SORCS2: variants seen among roughly 807,000 people sequenced by gnomAD.
SORCS2 encodes the protein sortilin related VPS10 domain containing receptor 2.
Under a neutral mutation model 141.6 loss-of-function variants are expected in SORCS2, and 100 were observed. The observed-to-expected ratio is 0.71, with a 90% CI of 0.60 to 0.83. The LOEUF (loss-of-function observed/expected upper bound fraction) is 0.83, where lower values mean the gene tolerates loss of function less well. Among genes scored for constraint, SORCS2 ranks in the 40% least tolerant of loss-of-function variants. The probability of loss-of-function intolerance (pLI) is 0.00; values close to 1 mark genes in which losing one functional copy is unlikely to be tolerated. For missense variants in SORCS2, 1,646 were observed against 1,560.2 expected (o/e 1.05, Z -0.93); for synonymous variants, 789 against 676.9 (o/e 1.17, Z -2.57).
intron 3 of SORCS2, among the ~76,000 whole-genome samples, chr4:7,565,980 A>G (rs372813694): frequency 8.7e-5 from 3 of 34,548 alleles, no homozygotes; most frequent in Non-Finnish European, 2.1e-4. Context: ...GATGATGGTG[A>G]TGATAATGGT....
chr4:7,427,587 G>A (rs1460174902), intron 2 of SORCS2, among the ~76,000 whole-genome samples: 2 of 152,122 alleles, frequency 1.3e-5, no homozygotes, highest in African/African-American at 4.8e-5. Flanking sequence ...TTGCTATAAA[G>A]AAATGCCCGA....
chr4:7,433,581 G>C, intron 2 of SORCS2: 1 of 1,611,680 alleles, frequency 6.2e-7, no homozygotes. Context: ...GGATCATATA[G>C]GGCAGCGGCA....
rs903135534 is a variant in SORCS2 at position 7,383,627 on chromosome 4, A to G, written c.481-12661A>G. On this transcript the variant is annotated intron_variant, in intron 1 of 26. Transcript: ENST00000507866. ...CTTTTTATGTCGAAAGACGCTCAGC[A>G]CTAACAACATCACAGCTTATCCGAT... Among the ~76,000 whole-genome samples the G allele has an allele frequency of 3.9e-5, 6 of 152,328 alleles. No individual in the cohort carries two copies. The East Asian group carries it at 1.2e-3, about 29-fold the overall frequency.
intron 3 of SORCS2, among the ~76,000 whole-genome samples, chr4:7,562,902 T>C (rs965195429): frequency 2.0e-5 from 3 of 152,166 alleles, no homozygotes; most frequent in African/African-American, 7.2e-5. Context: ...GGATTTAGGG[T>C]CTAGCCTATT....
At chr4:7,520,488 G>T (rs1049755994) in intron 2 of SORCS2, among the ~76,000 whole-genome samples, 2 of 152,264 alleles carry the variant, frequency 1.3e-5, no homozygotes, top group East Asian at 3.9e-4. Context: ...CTGGGATTGC[G>T]CCCAGCCCAG....
intron 3 of SORCS2, among the ~76,000 whole-genome samples, chr4:7,622,109 A>G (rs1481731637): frequency 3.3e-5 from 5 of 151,878 alleles, no homozygotes; most frequent in South Asian, 2.1e-4. Flanking sequence ...AGTAGCCACA[A>G]AAAAGCCAGG....
intron 2 of SORCS2, among the ~76,000 whole-genome samples, chr4:7,468,311 C>A (rs2009286): frequency 2.0e-5 from 3 of 152,110 alleles, no homozygotes; most frequent in Admixed American, 1.3e-4. Flanking sequence ...TGACTGAGTC[C>A]TGCAGCACCC....
At chr4:7,426,155 AGAG>A (rs1364292577) in intron 2 of SORCS2, among the ~76,000 whole-genome samples, 7 of 152,230 alleles carry the variant, frequency 4.6e-5, no homozygotes, top group African/African-American at 1.4e-4. Flanking sequence ...CTGTAGACCC[AGAG>A]GAGAAGGTGG....
rs553845288 is a variant in SORCS2 at position 7,433,626 on chromosome 4, G to A, written c.548+37271G>A. The A allele has an allele frequency of 1.1e-5, 17 of 1,611,104 alleles. No individual in the cohort carries two copies. The South Asian group carries it at 1.7e-4, about 16-fold the overall frequency. On this transcript the variant is annotated intron_variant, in intron 2 of 26. Transcript: ENST00000507866. ...AGCCACCCTTGAAGGCCACCAGGAT[G>A]TCTCGCTTGGTGCTCTTGCTCTCCA...
chr4:7,675,001 G>A (rs1160523760), intron 8 of SORCS2, among the ~76,000 whole-genome samples: 1 of 152,164 alleles, frequency 6.6e-6, no homozygotes, highest in Non-Finnish European at 1.5e-5. Flanking sequence ...GGGTGATGAA[G>A]CTCCAGAGTG....
chr4:7,445,815 G>T (rs60392026), intron 2 of SORCS2, among the ~76,000 whole-genome samples: 83,067 of 151,778 alleles, frequency 0.55, 23,360 homozygotes, highest in Middle Eastern at 0.61. Context: ...CTCCAGAGAG[G>T]CCCAGGGATG....
At chr4:7,486,978 A>G (rs1389604433) in intron 2 of SORCS2, among the ~76,000 whole-genome samples, 2 of 152,232 alleles carry the variant, frequency 1.3e-5, no homozygotes, top group East Asian at 3.8e-4. Flanking sequence ...GTGGGTCACT[A>G]TTCAACCCTC....
chr4:7,279,465 GTTACAA>G (rs1433016781), intron 1 of SORCS2, among the ~76,000 whole-genome samples: 1 of 152,190 alleles, frequency 6.6e-6, no homozygotes, highest in Non-Finnish European at 1.5e-5. Flanking sequence ...GTCTCATGCT[GTTACAA>G]TAAATGCGGT....
chr4:7,718,112 G>A lies in SORCS2; in HGVS notation c.2353G>A (p.Val785Ile). The A allele has an allele frequency of 6.2e-7, 1 of 1,612,230 alleles. No individual in the cohort carries two copies. Among genetic ancestry groups the A allele is most frequent in the South Asian group, 1.1e-5 (1 of 90,726 alleles). The change falls in exon 18 of 27, where the codon GTC (valine) becomes ATC (isoleucine). Residue 785 changes from valine (V) to isoleucine (I), a missense_variant. Coordinates refer to ENST00000507866, the MANE Select transcript of SORCS2 (RefSeq NM_020777.3). Reference protein sequence around the residue: ...CPLTPPRGLQVSIQGEAVAVR... With the variant: ...CPLTPPRGLQISIQGEAVAVR... Reference sequence around the variant, plus strand: ...CCTCACGCCGCCCCGGGGCCTGCAGGTCAGCATTCAAGGCGAGGCGGTGGC... The same window carrying A: ...CCTCACGCCGCCCCGGGGCCTGCAGATCAGCATTCAAGGCGAGGCGGTGGC...
intron 19 of SORCS2, 24 bp from the exon 20 acceptor site, chr4:7,725,130 C>A: frequency 6.2e-7 from 1 of 1,609,770 alleles, no homozygotes. Flanking sequence ...ATCATCTAAC[C>A]CTGGCCTTTT....
chr4:7,295,554 G>A lies in SORCS2; in HGVS notation c.481-100734G>A, dbSNP rs1716990246. On this transcript the variant is annotated intron_variant, in intron 1 of 26. Transcript: ENST00000507866. ...CGAGAGGGGCCAGAGCCCTTGCCCAGGGTCCGTGGATGGGAAGCGCTGGTG... is the reference window on the plus strand; with the variant it reads ...CGAGAGGGGCCAGAGCCCTTGCCCAAGGTCCGTGGATGGGAAGCGCTGGTG... 2.0e-5 allele frequency among the ~76,000 whole-genome samples: 3 copies of A among 152,182 alleles called. No individual in the cohort carries two copies. The South Asian group carries it at 6.2e-4, about 31-fold the overall frequency.
chr4:7,647,567 G>C (rs971795468), intron 4 of SORCS2, among the ~76,000 whole-genome samples: 2 of 152,220 alleles, frequency 1.3e-5, no homozygotes, highest in Admixed American at 6.5e-5. Flanking sequence ...AGGGACGTTT[G>C]CTGCAATTGC....
At chr4:7,321,315 A>G (rs1478857783) in intron 1 of SORCS2, among the ~76,000 whole-genome samples, 2 of 152,158 alleles carry the variant, frequency 1.3e-5, no homozygotes, top group Admixed American at 6.5e-5. Context: ...TGGTGTATGT[A>G]TACCATATTT....
intron 1 of SORCS2, among the ~76,000 whole-genome samples, chr4:7,305,359 T>C (rs968190620): frequency 9.0e-5 from 11 of 122,066 alleles, no homozygotes; most frequent in Non-Finnish European, 1.6e-4. Flanking sequence ...ATTTCTACTT[T>C]AGTTTTTTTT....
Sources: allele counts gnomAD v4.1 joint callset (sites outside exome capture counted in the v4.1 genomes callset), GRCh38; gene constraint gnomAD v4.1.1; transcripts MANE v1.5; gene names NCBI Gene and HGNC (gene_info 2026-07-23, HGNC 2026-07-21).